The following COG5 variants were observed in gnomAD, a reference collection of about 807,000 sequenced individuals.
COG5 encodes the protein conserved oligomeric Golgi complex subunit 5.
A neutral mutation model predicts 110.4 loss-of-function variants in COG5; 86 were observed. That is an observed-to-expected ratio of 0.78 (90% CI 0.65 to 0.93). COG5 has a LOEUF of 0.93. COG5 is among the 40% of genes least tolerant of loss of function. COG5 has a pLI of 0.00. For missense variants in COG5, 1,077 were observed against 987.0 expected (o/e 1.09, Z -1.22); for synonymous variants, 360 against 334.6 (o/e 1.08, Z -0.83).
chr7:107,346,337 G>C (rs926870924), intron 10 of COG5, among the ~76,000 whole-genome samples: 5 of 152,088 alleles, frequency 3.3e-5, no homozygotes, highest in Non-Finnish European at 5.9e-5. Context: ...AATAAGTCTT[G>C]TGAAGGGTTC....
intron 7 of COG5, among the ~76,000 whole-genome samples, chr7:107,392,047 C>T (rs575288116): frequency 6.6e-5 from 10 of 151,934 alleles, no homozygotes; most frequent in South Asian, 2.1e-4. Flanking sequence ...GCTGAGATTG[C>T]GCCACTGCAC....
At chr7:107,309,344 T>G (rs556800748) in intron 11 of COG5, among the ~76,000 whole-genome samples, 4 of 152,298 alleles carry the variant, frequency 2.6e-5, no homozygotes, top group Non-Finnish European at 1.5e-5. Context: ...ACAGTTCGTT[T>G]TCTCTTCAGA....
intron 7 of COG5, among the ~76,000 whole-genome samples, chr7:107,399,858 C>G (rs78763966): frequency 1.3e-5 from 2 of 152,206 alleles, no homozygotes; most frequent in East Asian, 3.9e-4. Flanking sequence ...ATAAAAAGTA[C>G]GAGAACCTCC....
intron 6 of COG5, among the ~76,000 whole-genome samples, chr7:107,460,135 G>A (rs1795900228): frequency 6.6e-6 from 1 of 152,170 alleles, no homozygotes; most frequent in African/African-American, 2.4e-5. Flanking sequence ...GAGCACGGTG[G>A]CTCATGCCTG....
chr7:107,495,212 A>G (rs1476002276), intron 6 of COG5, among the ~76,000 whole-genome samples: 1 of 152,172 alleles, frequency 6.6e-6, no homozygotes, highest in African/African-American at 2.4e-5. Context: ...CTGAAAGGAT[A>G]GGGAAGAAAC....
chr7:107,291,017 C>T (rs917516957), intron 12 of COG5, among the ~76,000 whole-genome samples: 19 of 152,212 alleles, frequency 1.2e-4, no homozygotes, highest in Middle Eastern at 3.4e-3. Flanking sequence ...ACATTTTTAC[C>T]ACGATGTATC....
At chr7:107,307,646 T>A (rs61511581) in intron 11 of COG5, among the ~76,000 whole-genome samples, 30,374 of 152,060 alleles carry the variant, frequency 0.2, 3,139 homozygotes, top group Non-Finnish European at 0.22. Flanking sequence ...ATTCTAAGTG[T>A]AGTAACTCAG....
intron 11 of COG5, among the ~76,000 whole-genome samples, chr7:107,316,146 AAAGAG>A (rs760149938): frequency 6.6e-6 from 1 of 152,232 alleles, no homozygotes; most frequent in Non-Finnish European, 1.5e-5. Flanking sequence ...ATTTACATAA[AAAGAG>A]AGAGAGTAAA....
In COG5 at chr7:107,527,339, G is replaced by A. The variant is rs781710880; in HGVS notation, c.436C>T (p.Arg146Trp). Residue 146 changes from arginine (R) to tryptophan (W), a missense_variant, in exon 6 of 22, where the codon CGG becomes TGG. Arg to Trp is a moderately radical substitution (Grantham distance 101). Coordinates refer to ENST00000297135, the MANE Select transcript of COG5 (RefSeq NM_006348.5). ...AGATTCAAGATACGAATAATCCTCC[G>A]AAGCAAATCACAGGCAACCTGTGCA... The part of the protein sequence containing the change: ...ARLQVACDLL[R>W]RIIRILNLSK... 3.7e-6 allele frequency: 6 copies of A among 1,613,220 alleles called. No individual in the cohort carries two copies. The highest frequency in any genetic ancestry group is 1.7e-5 in the Admixed American group (1 of 59,954).
At chr7:107,299,890 A>ATATG (rs1807113081) in intron 11 of COG5, among the ~76,000 whole-genome samples, 1 of 146,280 alleles carries the variant, frequency 6.8e-6, no homozygotes, top group South Asian at 2.1e-4. Flanking sequence ...ATATATATAT[A>ATATG]TATGGAATTA....
chr7:107,340,556 A>C (rs971925481), intron 10 of COG5, among the ~76,000 whole-genome samples: 5 of 152,154 alleles, frequency 3.3e-5, no homozygotes, highest in Admixed American at 6.5e-5. Context: ...CCTGATATCA[A>C]AATGTGGCAA....
At chr7:107,408,236 AG>A (rs1446608636) in intron 7 of COG5, among the ~76,000 whole-genome samples, 8 of 152,218 alleles carry the variant, frequency 5.3e-5, no homozygotes, top group Non-Finnish European at 1.0e-4. Context: ...CTGCCTCAAC[AG>A]CAGAGTTCAG....
chr7:107,447,819 G>A (rs886274794), intron 6 of COG5, among the ~76,000 whole-genome samples: 5 of 151,924 alleles, frequency 3.3e-5, no homozygotes, highest in African/African-American at 7.3e-5. Context: ...GCTTTTATTC[G>A]GATTATAAAG....
chr7:107,381,160 G>T (rs538414044), intron 7 of COG5, among the ~76,000 whole-genome samples: 2 of 152,052 alleles, frequency 1.3e-5, no homozygotes, highest in African/African-American at 2.4e-5. Flanking sequence ...AAATAAAATC[G>T]TTTATGTTAA....
intron 6 of COG5, among the ~76,000 whole-genome samples, chr7:107,423,969 A>G (rs1019271313): frequency 2.0e-5 from 3 of 152,192 alleles, no homozygotes; most frequent in African/African-American, 7.2e-5. Context: ...TAGAAAATGC[A>G]AAGTAGAATG....
intron 17 of COG5, among the ~76,000 whole-genome samples, chr7:107,246,458 C>G (rs1802066891): frequency 6.6e-6 from 1 of 152,114 alleles, no homozygotes; most frequent in African/African-American, 2.4e-5. Flanking sequence ...TATTTGCAAA[C>G]TATGCATCTG....
chr7:107,296,305 A>T (rs1249357480), intron 12 of COG5, among the ~76,000 whole-genome samples: 1 of 152,130 alleles, frequency 6.6e-6, no homozygotes, highest in Non-Finnish European at 1.5e-5. Flanking sequence ...TTTGCTTTGT[A>T]TATTTCTAGA....
chr7:107,318,518 A>G (rs1037365288), intron 11 of COG5, among the ~76,000 whole-genome samples: 4 of 152,226 alleles, frequency 2.6e-5, no homozygotes, highest in Admixed American at 1.3e-4. Flanking sequence ...ACAGCCATAA[A>G]TAATTTTTTG....
At chr7:107,233,469 T>A (rs1800924935) in intron 18 of COG5, among the ~76,000 whole-genome samples, 1 of 152,210 alleles carries the variant, frequency 6.6e-6, no homozygotes, top group African/African-American at 2.4e-5. Flanking sequence ...TGCAACTACT[T>A]TCTCTTTCCT....
Sources: allele counts gnomAD v4.1 joint callset (sites outside exome capture counted in the v4.1 genomes callset), GRCh38; gene constraint gnomAD v4.1.1; transcripts MANE v1.5; gene names NCBI Gene and HGNC (gene_info 2026-07-23, HGNC 2026-07-21).